ADAT1: variants seen among roughly 807,000 people sequenced by gnomAD.
The protein encoded by ADAT1 is adenosine deaminase tRNA specific 1, also known as tRNA-specific adenosine deaminase 1.
A neutral mutation model predicts 58.6 loss-of-function variants in ADAT1; 58 were observed. That is an observed-to-expected ratio of 0.99 (90% CI 0.80 to 1.23). ADAT1 has a LOEUF of 1.23. Among genes scored for constraint, ADAT1 ranks in the 50% most tolerant of loss-of-function variants. ADAT1 has a pLI of 0.00. For synonymous variants in ADAT1, 254 were observed against 220.8 expected, an observed-to-expected ratio of 1.15 and a Z score of -1.33; for missense variants, 741 against 608.6, an observed-to-expected ratio of 1.22 and a Z score of -2.29.
At chr16:75,612,096 C>T in intron 6 of ADAT1, 147 bp downstream of exon 6, 1 of 988,526 alleles carries the variant, frequency 1.0e-6, no homozygotes, top group Non-Finnish European at 1.5e-6. Context: ...GCTAAATGTT[C>T]AAATACTTTA....
chr16:75,597,948 G>A lies in ADAT1; in HGVS notation c.*2268C>T, dbSNP rs994705998. On this transcript the variant is annotated 3_prime_UTR_variant, in exon 10 of 10. Coordinates refer to ENST00000564657, the MANE Select transcript of ADAT1 (RefSeq NM_001324445.2). ...CTGCTGTGTGACCTTGTTCCTGACA[G>A]GCCACAGACAAGTAATGGTCTGTGG... Among the ~76,000 whole-genome samples the A allele has an allele frequency of 6.6e-6, 1 of 152,202 alleles. No individual in the cohort carries two copies. Among genetic ancestry groups the A allele is most frequent in the Non-Finnish European group, 1.5e-5 (1 of 68,022 alleles).
At position 75,618,637 on chromosome 16, in the gene ADAT1, T is replaced by C; in HGVS notation, c.242A>G (p.Asp81Gly). Residue 81 changes from aspartate to glycine, a missense_variant, in exon 4 of 10, where the codon GAC (aspartate) becomes GGC (glycine). Physicochemically the swap from Asp to Gly is moderately conservative, Grantham distance 94 (BLOSUM62 -1). Transcript: ENST00000564657. ...IGQSKMRKNG[D>G]ILNDSHAEVI... is the part of the protein sequence containing the mutation. ...CTCAGCATGGCTATCATTGAGGATG[T>C]CTCCTGCGGCAAAGATAGGACACCA... 1 of 1,612,786 alleles carries C rather than the reference T, an allele frequency of 6.2e-7. No individual in the cohort carries two copies. Among genetic ancestry groups the C allele is most frequent in the Non-Finnish European group, 8.5e-7 (1 of 1,179,500 alleles).
In ADAT1 at chr16:75,620,454, C is replaced by T. The variant is rs374668278; in HGVS notation, c.170-120G>A. 5.9e-5 allele frequency: 84 copies of T among 1,416,832 alleles called. 1 individual carries two copies. In the East Asian group the frequency reaches 1.5e-3, roughly 26 times the overall value. 87.8% of individuals were successfully genotyped at this position (1,416,832 alleles called of 1,614,324 possible). A position where few individuals can be genotyped will look rare whatever the true frequency, so the allele number is the denominator to read the frequency against. The stretch of plus-strand genomic sequence containing the variant: ...CAGAGGCCCACTCAACCAAGGTCTG[C>T]GGTTCCAGCATGGCGGTCTCCCGCC... On this transcript the variant is annotated intron_variant, in intron 2 of 9. Coordinates refer to ENST00000564657, the MANE Select transcript of ADAT1 (RefSeq NM_001324445.2).
In ADAT1 at chr16:75,617,156, G is replaced by C; in HGVS notation, c.410C>G (p.Ser137Cys). Reference protein sequence around the residue: ...LRRDLIFVFFSSHTPCGDASI... With the variant: ...LRRDLIFVFFCSHTPCGDASI... ...AATATACTTACAGGGTGTATGGCTGGAGAAAAACACAAAAATGAGGTCTCG... is the reference window on the plus strand; with the variant it reads ...AATATACTTACAGGGTGTATGGCTGCAGAAAAACACAAAAATGAGGTCTCG... Residue 137 changes from serine (S) to cysteine (C), a missense_variant, in exon 5 of 10, where the codon TCC becomes TGC. Transcript: ENST00000564657. 1 of 1,613,548 alleles carries C rather than the reference G, an allele frequency of 6.2e-7. No individual in the cohort carries two copies. The highest frequency in any genetic ancestry group is 1.1e-5 in the South Asian group (1 of 91,052).
intron 6 of ADAT1, among the ~76,000 whole-genome samples, chr16:75,609,911 C>G (rs1318567377): frequency 6.6e-6 from 1 of 151,756 alleles, no homozygotes; most frequent in Admixed American, 6.6e-5. Context: ...GCCATATTGC[C>G]TAGGCTGGTC....
rs772845532 is a variant in ADAT1, at chr16:75,596,872, T to C, written c.*3344A>G. ...TGGATAAACAAAACATTTATATCCA[T>C]ACAACTGATTTTTATTCCATAAATA... On this transcript the variant is annotated 3_prime_UTR_variant, in exon 10 of 10. Coordinates refer to ENST00000564657, the MANE Select transcript of ADAT1 (RefSeq NM_001324445.2). The C allele has an allele frequency of 1.3e-5, 2 of 152,048 alleles. No homozygotes were observed. The highest frequency in any genetic ancestry group is 2.9e-5 in the Non-Finnish European group (2 of 68,026). The allele number at this position is 152,048 out of a possible 1,614,324, so 9.4% of individuals were successfully genotyped here. A position where few individuals can be genotyped will look rare whatever the true frequency, so the allele number is the denominator to read the frequency against.
chr16:75,604,456 A>AAAATAT (rs1555508674), intron 8 of ADAT1, among the ~76,000 whole-genome samples: 13 of 48,778 alleles, frequency 2.7e-4, no homozygotes, highest in African/African-American at 4.2e-4. Flanking sequence ...AAAAAAAAAA[A>AAAATAT]ATATATATAT....
rs751650147 is a variant in ADAT1 at position 75,622,825 on chromosome 16, G to T, written c.-444C>A. 1.1e-4 allele frequency: 16 copies of T among 152,210 alleles called. No homozygotes were observed. Among genetic ancestry groups the T allele is most frequent in the Non-Finnish European group, 1.9e-4 (13 of 68,046 alleles). The allele number at this position is 152,210 out of a possible 1,614,324, so 9.4% of individuals were successfully genotyped here. A position where few individuals can be genotyped will look rare whatever the true frequency, so the allele number is the denominator to read the frequency against. ...CAAAGAAAAGGAAGTCGGCTGCCAGGGGAGAAAAGGCTTCAGCGATGCTTG... is the reference window on the plus strand; with the variant it reads ...CAAAGAAAAGGAAGTCGGCTGCCAGTGGAGAAAAGGCTTCAGCGATGCTTG... On this transcript the variant is annotated 5_prime_UTR_variant, in exon 1 of 10. Coordinates refer to ENST00000564657, the MANE Select transcript of ADAT1 (RefSeq NM_001324445.2).
At chr16:75,618,807 G>A (rs1597139673) in intron 3 of ADAT1, 167 bp from the exon 4 acceptor site, 1 of 746,814 alleles carries the variant, frequency 1.3e-6, no homozygotes, top group South Asian at 1.8e-5. Flanking sequence ...TCAGGTGCAG[G>A]GTTTCTCAAC....
rs202191887 is a variant in ADAT1 at position 75,620,754 on chromosome 16, C to T, written c.46G>A (p.Gly16Arg). The T allele has an allele frequency of 2.9e-4, 463 of 1,614,154 alleles. No homozygotes were observed. The highest frequency in any genetic ancestry group is 1.7e-3 in the South Asian group (159 of 91,084). ...EIAQLCYEHY[G>R]IRLPKKGKPE... Reference sequence around the variant, plus strand: ...TTCCCCTTCTTGGGCAGCCTGATCCCATAGTGTTCATAGCATAGCTGAGCA... The same window carrying T: ...TTCCCCTTCTTGGGCAGCCTGATCCTATAGTGTTCATAGCATAGCTGAGCA... The change falls in exon 2 of 10, where the codon GGG (glycine) becomes AGG (arginine). Residue 16 changes from glycine to arginine, a missense_variant. Gly to Arg is a moderately radical substitution (Grantham distance 125). Coordinates refer to ENST00000564657, the MANE Select transcript of ADAT1 (RefSeq NM_001324445.2).
chr16:75,600,685 G>T (rs980551719), intron 9 of ADAT1, among the ~76,000 whole-genome samples: 1 of 134,422 alleles, frequency 7.4e-6, no homozygotes, highest in Non-Finnish European at 1.5e-5. Flanking sequence ...GTTTTACCCA[G>T]TGCCATCACT....
chr16:75,612,228 T>G lies in ADAT1; in HGVS notation c.1043+15A>C. The G allele has an allele frequency of 2.5e-6, 4 of 1,610,648 alleles. No homozygotes were observed. Among genetic ancestry groups the G allele is most frequent in the Middle Eastern group, 1.7e-4 (1 of 5,916 alleles). On this transcript the variant is annotated intron_variant, in intron 6 of 9. Transcript: ENST00000564657. ...TGGAATGACTGTTCCAATTGAGCCCTCCCTACCCTCTCACCTTCCAATCAG... is the reference window on the plus strand; with the variant it reads ...TGGAATGACTGTTCCAATTGAGCCCGCCCTACCCTCTCACCTTCCAATCAG...
At chr16:75,604,644 C>T (rs1256737844) in intron 8 of ADAT1, among the ~76,000 whole-genome samples, 1 of 151,194 alleles carries the variant, frequency 6.6e-6, no homozygotes, top group African/African-American at 2.4e-5. Context: ...ATTTATAAAG[C>T]GCAACTATAA....
rs1460076010 is a variant in ADAT1 at position 75,599,051 on chromosome 16, T to C, written c.*1165A>G. 40 of 984,972 alleles carry C rather than the reference T, an allele frequency of 4.1e-5. No individual in the cohort carries two copies. Among genetic ancestry groups the C allele is most frequent in the Non-Finnish European group, 4.7e-5 (39 of 830,182 alleles). The allele number at this position is 984,972 out of a possible 1,614,324, so 61.0% of individuals were successfully genotyped here. A position where few individuals can be genotyped will look rare whatever the true frequency, so the allele number is the denominator to read the frequency against. On this transcript the variant is annotated 3_prime_UTR_variant, in exon 10 of 10. Transcript: ENST00000564657. ...GATTGGCTGCTGGGTCTATTGCTGA[T>C]TTGCTGCAGGGCCTTTTGGCTTCTT...
chr16:75,611,118 C>T (rs2081518660), intron 6 of ADAT1, among the ~76,000 whole-genome samples: 1 of 151,956 alleles, frequency 6.6e-6, no homozygotes, highest in Non-Finnish European at 1.5e-5. Context: ...CTTGTCACTA[C>T]AAAAACATTC....
At chr16:75,621,259 C>A (rs2081923029) in intron 1 of ADAT1, among the ~76,000 whole-genome samples, 1 of 151,796 alleles carries the variant, frequency 6.6e-6, no homozygotes, top group African/African-American at 2.4e-5. Context: ...TTTTTCCAGG[C>A]ATTTTATTTT....
intron 8 of ADAT1, among the ~76,000 whole-genome samples, chr16:75,603,648 C>G (rs1182686346): frequency 6.6e-6 from 1 of 152,166 alleles, no homozygotes; most frequent in Admixed American, 6.5e-5. Context: ...GGAGAACAAG[C>G]GTTTGCTCCT....
chr16:75,598,259 T>A lies in ADAT1; in HGVS notation c.*1957A>T. ...ACCTGGCTAATTTTTGTATTTTTAG[T>A]AGAAAGGGGCTTCACCATGTTGGCC... On this transcript the variant is annotated 3_prime_UTR_variant, in exon 10 of 10. Coordinates refer to ENST00000564657, the MANE Select transcript of ADAT1 (RefSeq NM_001324445.2). 2.7e-6 allele frequency: 1 copy of A among 364,824 alleles called. No homozygotes were observed. Among genetic ancestry groups the A allele is most frequent in the Non-Finnish European group, 5.5e-6 (1 of 183,194 alleles). 22.6% of individuals were successfully genotyped at this position (364,824 alleles called of 1,614,324 possible). A position where few individuals can be genotyped will look rare whatever the true frequency, so the allele number is the denominator to read the frequency against.
intron 9 of ADAT1, chr16:75,601,974 A>C (rs1248330252): frequency 6.6e-6 from 1 of 152,018 alleles, no homozygotes; most frequent in Admixed American, 6.6e-5. Flanking sequence ...TAAGCTTTGG[A>C]GTTTCTGCAA....
Sources: gnomAD v4.1 joint callset for allele counts (sites outside exome capture counted in the v4.1 genomes callset) on GRCh38, gnomAD v4.1.1 for gene constraint, MANE v1.5 for transcripts, NCBI Gene and HGNC (gene_info 2026-07-23, HGNC 2026-07-21) for gene names.